The following ROBO4 variants were observed in gnomAD, a reference collection of about 807,000 sequenced individuals.
The protein encoded by ROBO4 is roundabout homolog 4.
A neutral mutation model predicts 103.3 loss-of-function variants in ROBO4; 80 were observed. The observed-to-expected ratio is 0.77, with a 90% CI of 0.65 to 0.93. The LOEUF (loss-of-function observed/expected upper bound fraction) is 0.93, where lower values mean the gene tolerates loss of function less well. Among genes scored for constraint, ROBO4 ranks in the 40% least tolerant of loss-of-function variants. ROBO4 has a pLI of 0.00. For synonymous variants in ROBO4, 504 were observed against 529.7 expected (o/e 0.95, Z 0.67); for missense variants, 1,333 against 1,305.3 (o/e 1.02, Z -0.33).
rs774597376 is a variant in ROBO4 at position 124,885,224 on chromosome 11, G to C, written c.2818C>G (p.Arg940Gly). Residue 940 changes from arginine to glycine, a missense_variant, in exon 17 of 18, where the codon CGG becomes GGG. Physicochemically the swap from Arg to Gly is moderately radical, Grantham distance 125. Coordinates refer to ENST00000306534, the MANE Select transcript of ROBO4 (RefSeq NM_019055.6). The stretch of plus-strand genomic sequence containing the variant: ...TTGGGGGTCAGGAAGATCTCATCCC[G>C]TGGGGAGGGAGGTGATGAGGCATCT... ...FIDASSPPSP[R>G]DEIFLTPNLS... is the part of the protein sequence containing the mutation. 8.7e-6 allele frequency: 14 copies of C among 1,612,422 alleles called. No homozygotes were observed. Among genetic ancestry groups the C allele is most frequent in the African/African-American group, 6.7e-5 (5 of 74,936 alleles).
At chr11:124,893,577 C>T (rs55852661) in intron 10 of ROBO4, 111 bp downstream of exon 10, 110,034 of 944,244 alleles carry the variant, frequency 0.12, 7,076 homozygotes, top group East Asian at 0.22. Flanking sequence ...GATTCATGTA[C>T]GACAGTCCCA....
chr11:124,892,017 C>A (rs1396554200), intron 10 of ROBO4: 2 of 710,982 alleles, frequency 2.8e-6, no homozygotes, highest in South Asian at 3.0e-5. Context: ...GAGGGGAAAT[C>A]CGAGTCACCC....
In ROBO4 at chr11:124,891,349, G is replaced by C; in HGVS notation, c.1898C>G (p.Pro633Arg). The change falls in exon 12 of 18, where the codon CCC becomes CGC. Residue 633 changes from proline (P) to arginine (R), a missense_variant. Physicochemically the swap from Pro to Arg is moderately radical, Grantham distance 103. Transcript: ENST00000306534. Reference protein sequence around the residue: ...SLCSRRGLSSPRLSLAPAEAW... With the variant: ...SLCSRRGLSSRRLSLAPAEAW... ...CTCTGCAGGGGCCAGAGACAAGCGGGGAGAAGAGAGTCCCCTGCGGCTGCA... is the reference window on the plus strand; with the variant it reads ...CTCTGCAGGGGCCAGAGACAAGCGGCGAGAAGAGAGTCCCCTGCGGCTGCA... 1 of 1,539,142 alleles carries C rather than the reference G, an allele frequency of 6.5e-7. No individual in the cohort carries two copies. The highest frequency in any genetic ancestry group is 1.3e-5 in the South Asian group (1 of 77,874).
In ROBO4 at chr11:124,895,442, G is replaced by T. The variant is rs1280339606; in HGVS notation, c.1036+15C>A. On this transcript the variant is annotated intron_variant, in intron 6 of 17. Coordinates refer to ENST00000306534, the MANE Select transcript of ROBO4 (RefSeq NM_019055.6). ...GAGGGGATATTGTTGGCTTCTGAAGGGATCAGGCCCTGACCTTTTTCCGGC... is the reference window on the plus strand; with the variant it reads ...GAGGGGATATTGTTGGCTTCTGAAGTGATCAGGCCCTGACCTTTTTCCGGC... 1.2e-6 allele frequency: 2 copies of T among 1,604,908 alleles called. No homozygotes were observed. Among genetic ancestry groups the T allele is most frequent in the Non-Finnish European group, 1.7e-6 (2 of 1,177,600 alleles).
Position 124,884,803 on chromosome 11 carries a change from G to T in ROBO4, c.*88C>A. 6.9e-7 allele frequency: 1 copy of T among 1,455,334 alleles called. No homozygotes were observed. The highest frequency in any genetic ancestry group is 9.7e-7 in the Non-Finnish European group (1 of 1,035,324). The allele number at this position is 1,455,334 out of a possible 1,614,324, so 90.2% of individuals were successfully genotyped here. ...GGACCCCAGCTGCAGAGAAACACAG[G>T]CCAAGACCCACACACCACAGCCCAG... On this transcript the variant is annotated 3_prime_UTR_variant, in exon 18 of 18. Transcript: ENST00000306534.
intron 13 of ROBO4, 90 bp downstream of exon 13, chr11:124,887,643 G>A (rs542019765): frequency 2.6e-6 from 4 of 1,528,050 alleles, no homozygotes; most frequent in Non-Finnish European, 3.6e-6. Context: ...AAAGGAGGAT[G>A]AGCCCGTGGG....
In ROBO4 at chr11:124,895,653, G is replaced by A. The variant is rs752327662; in HGVS notation, c.840C>T (p.Tyr280=). The A allele has an allele frequency of 1.2e-6, 2 of 1,613,616 alleles. No homozygotes were observed. The highest frequency in any genetic ancestry group is 1.7e-6 in the Non-Finnish European group (2 of 1,179,786). The change falls in exon 6 of 18, where the codon TAC becomes TAT. Residue 280 remains tyrosine, a synonymous_variant. Transcript: ENST00000306534. The part of the protein sequence containing the change: ...VSGPAAPAQS[Y]TALFRTQTAP... The stretch of plus-strand genomic sequence containing the variant: ...CAGTCTGGGTCCTGAACAAGGCCGT[G>A]TAAGATTGGGCAGGCGCAGCAGGGC...
In ROBO4 at chr11:124,891,310, T is replaced by C. The variant is rs369176966; in HGVS notation, c.1937A>G (p.Lys646Arg). 184 of 1,517,958 alleles carry C rather than the reference T, an allele frequency of 1.2e-4. No individual in the cohort carries two copies. Among genetic ancestry groups the C allele is most frequent in the Middle Eastern group, 9.8e-4 (5 of 5,118 alleles). The allele number at this position is 1,517,958 out of a possible 1,614,324, so 94.0% of individuals were successfully genotyped here. Residue 646 changes from lysine to arginine, a missense_variant, in exon 12 of 18, where the codon AAA (lysine) becomes AGA (arginine). Lys to Arg is a conservative substitution (Grantham distance 26). Coordinates refer to ENST00000306534, the MANE Select transcript of ROBO4 (RefSeq NM_019055.6). ...SLAPAEAWKAKKKQELQHANS... is the reference protein window; with the variant it reads ...SLAPAEAWKARKKQELQHANS... ...CTCCCCCTCCTTACCCTGCTTCTTT[T>C]TGGCCTTCCAAGCCTCTGCAGGGGC...
intron 11 of ROBO4, 23 bp downstream of exon 11, chr11:124,891,642 CT>C (rs748652747): frequency 6.2e-7 from 1 of 1,614,188 alleles, no homozygotes; most frequent in Non-Finnish European, 8.5e-7. Flanking sequence ...CAGCTAGGCC[CT>C]TGCCCCCACT....
chr11:124,895,007 A>G, intron 7 of ROBO4, 74 bp downstream of exon 7: 1 of 1,137,844 alleles, frequency 8.8e-7, no homozygotes, highest in South Asian at 1.3e-5. Flanking sequence ...GCCCAGAGCA[A>G]GGGTATGCAG....
chr11:124,890,704 A>G (rs1185010762), intron 12 of ROBO4, among the ~76,000 whole-genome samples: 2 of 152,256 alleles, frequency 1.3e-5, no homozygotes, highest in Non-Finnish European at 2.9e-5. Context: ...AATGGAGGCT[A>G]TAATTATTTT....
At chr11:124,894,690 C>A (rs939075607) in intron 7 of ROBO4, among the ~76,000 whole-genome samples, 4 of 152,138 alleles carry the variant, frequency 2.6e-5, no homozygotes, top group African/African-American at 4.8e-5. Flanking sequence ...ATTTATGAGG[C>A]CTGGGAAAGG....
rs4078313 is a variant in ROBO4, at chr11:124,896,232, A to G, written c.645T>C (p.His215=). Residue 215 remains histidine, a synonymous_variant, in exon 4 of 18, where the codon CAT becomes CAC. Transcript: ENST00000306534. ...YMCVATNSAG[H]RESRAARVSI... is the part of the protein sequence containing the mutation. ...AAACCCGGGCTGCGCGGCTCTCCCTATGTCCTGCGCTGTTGGTGGCCACAC... is the reference window on the plus strand; with the variant it reads ...AAACCCGGGCTGCGCGGCTCTCCCTGTGTCCTGCGCTGTTGGTGGCCACAC... The G allele has an allele frequency of 0.35, 570,152 of 1,613,680 alleles. 108,929 individuals are homozygous for G. Among genetic ancestry groups the G allele is most frequent in the African/African-American group, 0.74 (55,824 of 74,968 alleles).
At position 124,895,535 on chromosome 11, in the gene ROBO4, C is replaced by T. The variant is rs756669105; in HGVS notation, c.958G>A (p.Glu320Lys). Residue 320 changes from glutamate to lysine, a missense_variant, in exon 6 of 18, where the codon GAG becomes AAG. Coordinates refer to ENST00000306534, the MANE Select transcript of ROBO4 (RefSeq NM_019055.6). Reference protein sequence around the residue: ...LGGLHWGQDYEFKVRPSSGRA... With the variant: ...LGGLHWGQDYKFKVRPSSGRA... Reference sequence around the variant, plus strand: ...CCAGAGGATGGTCTCACTTTGAACTCGTAGTCTTGGCCCCAGTGGAGGCCT... The same window carrying T: ...CCAGAGGATGGTCTCACTTTGAACTTGTAGTCTTGGCCCCAGTGGAGGCCT... 6.8e-6 allele frequency: 11 copies of T among 1,612,378 alleles called. No individual in the cohort carries two copies. Among genetic ancestry groups the T allele is most frequent in the East Asian group, 2.2e-5 (1 of 44,862 alleles).
In ROBO4 at chr11:124,887,057, C is replaced by A. The variant is rs772175465; in HGVS notation, c.2355G>T (p.Leu785=). Residue 785 remains leucine (L), a synonymous_variant, in exon 15 of 18, where the codon CTG becomes CTT. Coordinates refer to ENST00000306534, the MANE Select transcript of ROBO4 (RefSeq NM_019055.6). ...SRLSSSSLSS[L]GEDQDSVLTP... is the part of the protein sequence containing the mutation. ...TCAGCACGCTGTCTTGATCCTCCCC[C>A]AGGGATGACAGTGAGGAGCTGGACA... 4.3e-6 allele frequency: 7 copies of A among 1,613,872 alleles called. No individual in the cohort carries two copies. The Admixed American group carries it at 1.0e-4, about 23-fold the overall frequency.
At chr11:124,895,329 G>T in intron 6 of ROBO4, 128 bp downstream of exon 6, 1 of 1,167,042 alleles carries the variant, frequency 8.6e-7, no homozygotes. Flanking sequence ...GCCTGGCCAG[G>T]GCAGAAGGGA....
chr11:124,885,755 G>T (rs1266390318), intron 16 of ROBO4, among the ~76,000 whole-genome samples: 1 of 152,162 alleles, frequency 6.6e-6, no homozygotes, highest in African/African-American at 2.4e-5. Flanking sequence ...TGAGCCCAGT[G>T]GCTCGTCAGC....
chr11:124,884,991 G>C (rs776979738), intron 17 of ROBO4, 50 bp downstream of exon 17: 14 of 1,613,854 alleles, frequency 8.7e-6, no homozygotes, highest in Non-Finnish European at 1.2e-5. Flanking sequence ...CTTCTTCCCA[G>C]AGGCCCTCTG....
rs942715786 is a variant in ROBO4 at position 124,897,172 on chromosome 11, G to C, written c.160C>G (p.Gln54Glu). The C allele has an allele frequency of 1.3e-6, 2 of 1,538,442 alleles. No homozygotes were observed. Among genetic ancestry groups the C allele is most frequent in the Non-Finnish European group, 1.8e-6 (2 of 1,141,856 alleles). Residue 54 changes from glutamine to glutamate, a missense_variant, in exon 2 of 18, where the codon CAA (glutamine) becomes GAA (glutamate). Gln to Glu is a conservative substitution (Grantham distance 29). Transcript: ENST00000306534. ...GTGGGAGGTGGCTGGCCTGAGGCTTGGCAGCTCATCCTGGCAGGGCCAGGG... is the reference window on the plus strand; with the variant it reads ...GTGGGAGGTGGCTGGCCTGAGGCTTCGCAGCTCATCCTGGCAGGGCCAGGG... The part of the protein sequence containing the change: ...QGPGPARMSC[Q>E]ASGQPPPTIR...
Sources: gnomAD v4.1 joint callset for allele counts (sites outside exome capture counted in the v4.1 genomes callset) on GRCh38, gnomAD v4.1.1 for gene constraint, MANE v1.5 for transcripts, NCBI Gene and HGNC (gene_info 2026-07-23, HGNC 2026-07-21) for gene names.